Variants in KBTBD11 observed in about 807,000 individuals in gnomAD.
The protein encoded by KBTBD11 is kelch repeat and BTB domain containing 11, also known as kelch repeat and BTB domain-containing protein 11.
For synonymous variants in KBTBD11, 747 were observed against 499.0 expected (o/e 1.50, Z -6.63); for missense variants, 1,390 against 1,001.8 (o/e 1.39, Z -5.23).
chr8:1,974,246 T>A, intron 1 of KBTBD11: 2 of 961,854 alleles, frequency 2.1e-6, no homozygotes, highest in Non-Finnish European at 2.5e-6. Flanking sequence ...CGTGGGGGCC[T>A]CCTCGCGGGG....
chr8:1,982,609 C>T (rs1432485183), intron 1 of KBTBD11, among the ~76,000 whole-genome samples: 1 of 152,128 alleles, frequency 6.6e-6, no homozygotes, highest in Non-Finnish European at 1.5e-5. Flanking sequence ...GGGAGCTATG[C>T]TTATATAAGA....
intron 1 of KBTBD11, among the ~76,000 whole-genome samples, chr8:1,995,813 C>T (rs1563373890): frequency 6.6e-6 from 1 of 152,132 alleles, no homozygotes; most frequent in South Asian, 2.1e-4. Flanking sequence ...CCATTTAAGC[C>T]CAGAAGTTCA....
rs752441010 is a variant in KBTBD11, at chr8:2,001,988, G to A, written c.796G>A (p.Val266Met). 3.7e-4 allele frequency: 528 copies of A among 1,438,638 alleles called. 2 individuals are homozygous for A. The Middle Eastern group carries it at 3.7e-3, about 10-fold the overall frequency. The allele number at this position is 1,438,638 out of a possible 1,614,324, so 89.1% of individuals were successfully genotyped here. The change falls in exon 2 of 2, where the codon GTG (valine) becomes ATG (methionine). Residue 266 changes from valine (V) to methionine (M), a missense_variant. Coordinates refer to ENST00000320248, the MANE Select transcript of KBTBD11 (RefSeq NM_014867.3). ...CTTCATGAGCGACCACTATCTGGAGGTGCTGCGCGAGCCCGCCGTGTTCGG... is the reference window on the plus strand; with the variant it reads ...CTTCATGAGCGACCACTATCTGGAGATGCTGCGCGAGCCCGCCGTGTTCGG... The part of the protein sequence containing the change: ...YCFMSDHYLE[V>M]LREPAVFGRL...
At chr8:1,985,281 G>A (rs891965264) in intron 1 of KBTBD11, among the ~76,000 whole-genome samples, 7 of 152,250 alleles carry the variant, frequency 4.6e-5, no homozygotes, top group African/African-American at 1.7e-4. Context: ...GCTGTCAGGA[G>A]CTCGTCAGAG....
chr8:2,002,182 C>G lies in KBTBD11; in HGVS notation c.990C>G (p.Phe330Leu), dbSNP rs766701418. The G allele has an allele frequency of 1.6e-6, 2 of 1,246,256 alleles. No homozygotes were observed. The highest frequency in any genetic ancestry group is 3.2e-5 in the African/African-American group (2 of 62,722). The allele number at this position is 1,246,256 out of a possible 1,614,324, so 77.2% of individuals were successfully genotyped here. ...DARGDAAVYC[F>L]HAAAGEWREL... ...GCGGGGACGCGGCCGTCTACTGCTT[C>G]CACGCGGCGGCCGGAGAGTGGCGCG... Residue 330 changes from phenylalanine (F) to leucine (L), a missense_variant, in exon 2 of 2, where the codon TTC becomes TTG. Physicochemically the swap from Phe to Leu is conservative, Grantham distance 22 (BLOSUM62 0). Transcript: ENST00000320248. This position sits in a 1 kb window ranked among gnomAD's most constrained non-coding sequence, Gnocchi z 4.1.
chr8:1,993,507 A>C (rs1585745502), intron 1 of KBTBD11, among the ~76,000 whole-genome samples: 3 of 100,418 alleles, frequency 3.0e-5, no homozygotes, highest in African/African-American at 6.6e-5. Flanking sequence ...CCATCCATCC[A>C]TCCATCCATC....
intron 1 of KBTBD11, among the ~76,000 whole-genome samples, 197 bp from the exon 2 acceptor site, chr8:2,000,088 T>G (rs1176516585): frequency 1.3e-5 from 2 of 152,030 alleles, no homozygotes; most frequent in Non-Finnish European, 2.9e-5. Context: ...ATCGAGAGGG[T>G]ACTTTAAAAA....
intron 1 of KBTBD11, among the ~76,000 whole-genome samples, chr8:1,995,856 T>TTGTA (rs1817118375): frequency 6.6e-6 from 1 of 152,036 alleles, no homozygotes; most frequent in Non-Finnish European, 1.5e-5. Flanking sequence ...GAGATCCTGT[T>TTGTA]TCTACTAAAC....
chr8:1,974,150 C>A (rs1252767363), intron 1 of KBTBD11, among the ~76,000 whole-genome samples: 1 of 38,432 alleles, frequency 2.6e-5, no homozygotes, highest in African/African-American at 1.0e-4. Flanking sequence ...GAGGGGGGAC[C>A]GGGAGAGGAG....
intron 1 of KBTBD11, among the ~76,000 whole-genome samples, chr8:1,987,171 C>A (rs985374951): frequency 2.6e-5 from 4 of 152,178 alleles, no homozygotes; most frequent in African/African-American, 7.2e-5. Context: ...GCCTGTCCTT[C>A]CTCTCTCTGT....
chr8:2,003,214 GGCC>G lies in KBTBD11; in HGVS notation c.*153_*155del. 1 of 1,183,660 alleles carries G rather than the reference GGCC, an allele frequency of 8.4e-7. No individual in the cohort carries two copies. Among genetic ancestry groups the G allele is most frequent in the African/African-American group, 1.6e-5 (1 of 63,142 alleles). 73.3% of individuals were successfully genotyped at this position (1,183,660 alleles called of 1,614,324 possible). A position where few individuals can be genotyped will look rare whatever the true frequency, so the allele number is the denominator to read the frequency against. On this transcript the variant is annotated 3_prime_UTR_variant, in exon 2 of 2. Coordinates refer to ENST00000320248, the MANE Select transcript of KBTBD11 (RefSeq NM_014867.3). ...GAAGGAGCCCCGAGGACGCTCTCAG[GGCC>G]GCTTTCGCTTTGCTTTCCTTTTGCT...
chr8:1,988,343 C>T (rs1432924879), intron 1 of KBTBD11, among the ~76,000 whole-genome samples: 1 of 152,196 alleles, frequency 6.6e-6, no homozygotes, highest in African/African-American at 2.4e-5. Context: ...TTTACACTCC[C>T]ACCAACAGTG....
At chr8:1,987,055 G>A (rs1425440147) in intron 1 of KBTBD11, among the ~76,000 whole-genome samples, 5 of 130,244 alleles carry the variant, frequency 3.8e-5, no homozygotes, top group African/African-American at 1.5e-4. Context: ...CACACACAAA[G>A]AAGGAACCTG....
At position 2,002,096 on chromosome 8, in the gene KBTBD11, G is replaced by C. The variant is rs1817395852; in HGVS notation, c.904G>C (p.Gly302Arg). Reference sequence around the variant, plus strand: ...CGCCCACCTCTTGGCCGCGGCGCTCGGGCCGGCGGGGGAGCGCGCGGGCAG... The same window carrying C: ...CGCCCACCTCTTGGCCGCGGCGCTCCGGCCGGCGGGGGAGCGCGCGGGCAG... ...GRAHLLAAALGPAGERAGSRP... is the reference protein window; with the variant it reads ...GRAHLLAAALRPAGERAGSRP... The change falls in exon 2 of 2, where the codon GGG becomes CGG. Residue 302 changes from glycine (G) to arginine (R), a missense_variant. Gly to Arg is a moderately radical substitution (Grantham distance 125). Transcript: ENST00000320248. This position sits in a 1 kb window ranked among gnomAD's most constrained non-coding sequence, Gnocchi z 4.1. The C allele has an allele frequency of 5.5e-6, 6 of 1,088,316 alleles. No individual in the cohort carries two copies. The highest frequency in any genetic ancestry group is 4.3e-5 in the South Asian group (1 of 23,112). 67.4% of individuals were successfully genotyped at this position (1,088,316 alleles called of 1,614,324 possible).
At chr8:1,982,380 A>G (rs552314281) in intron 1 of KBTBD11, among the ~76,000 whole-genome samples, 43 of 152,320 alleles carry the variant, frequency 2.8e-4, no homozygotes, top group Admixed American at 7.8e-4. Flanking sequence ...AATTAAGAAA[A>G]TGGGAATAGT....
chr8:1,999,512 G>A (rs1406371482), intron 1 of KBTBD11, among the ~76,000 whole-genome samples: 1 of 152,216 alleles, frequency 6.6e-6, no homozygotes, highest in African/African-American at 2.4e-5. Context: ...GAGTGTCCGT[G>A]AAGCGTTTGC....
intron 1 of KBTBD11, among the ~76,000 whole-genome samples, chr8:1,987,194 A>G (rs1816734161): frequency 6.6e-6 from 1 of 152,160 alleles, no homozygotes; most frequent in Non-Finnish European, 1.5e-5. Context: ...TTACACTTCC[A>G]TAAAAGACAT....
chr8:1,978,241 G>A (rs1210392484), intron 1 of KBTBD11, among the ~76,000 whole-genome samples: 3 of 152,212 alleles, frequency 2.0e-5, no homozygotes, highest in Admixed American at 6.5e-5. Flanking sequence ...AAGTGAGAAC[G>A]TGGTGTTTGG....
chr8:1,988,437 G>T (rs1816772547), intron 1 of KBTBD11, among the ~76,000 whole-genome samples: 2 of 152,236 alleles, frequency 1.3e-5, no homozygotes, highest in South Asian at 4.1e-4. Context: ...ACTGGTGTGA[G>T]ATGGTACCTC....
Sources: allele counts gnomAD v4.1 joint callset (sites outside exome capture counted in the v4.1 genomes callset), GRCh38; gene constraint gnomAD v4.1.1; non-coding constraint Gnocchi (gnomAD v3.1); transcripts MANE v1.5; gene names NCBI Gene and HGNC (gene_info 2026-07-23, HGNC 2026-07-21).